Variants in RBFOX1 observed in about 807,000 individuals in gnomAD.
RBFOX1 encodes RNA binding protein fox-1 homolog 1.
In RBFOX1, 8 loss-of-function variants were observed where a neutral mutation model predicts 57.7. The ratio of observed to expected loss-of-function variants is 0.14; its 90% CI spans 0.08 to 0.25. The LOEUF (loss-of-function observed/expected upper bound fraction) is 0.25, where lower values mean the gene tolerates loss of function less well. Among genes scored for constraint, RBFOX1 ranks in the 10% least tolerant of loss-of-function variants. The pLI, the probability that RBFOX1 is intolerant of heterozygous loss-of-function variation, is 1.00. For missense variants in RBFOX1, 611 were observed against 548.5 expected (o/e 1.11, Z -1.14); for synonymous variants, 326 against 222.4 (o/e 1.47, Z -4.15).
intron 2 of RBFOX1, among the ~76,000 whole-genome samples, chr16:6,519,169 C>T (rs896902312): frequency 5.9e-5 from 9 of 152,038 alleles, no homozygotes; most frequent in African/African-American, 1.7e-4. Flanking sequence ...ATGGGGGGAA[C>T]CGTCTGTGTA....
intron 1 of RBFOX1, among the ~76,000 whole-genome samples, chr16:6,241,848 C>T (rs924319437): frequency 6.6e-6 from 1 of 152,156 alleles, no homozygotes; most frequent in African/African-American, 2.4e-5. Context: ...TGCATGTAAA[C>T]ATGGTGAACT....
At chr16:7,578,915 A>G (rs1461976918) in intron 5 of RBFOX1, among the ~76,000 whole-genome samples, 1 of 152,198 alleles carries the variant, frequency 6.6e-6, no homozygotes, top group Non-Finnish European at 1.5e-5. Flanking sequence ...ATGTAACGTC[A>G]TGTTATACAG....
intron 3 of RBFOX1, among the ~76,000 whole-genome samples, chr16:6,737,008 G>A (rs541397718): frequency 5.3e-5 from 8 of 152,278 alleles, no homozygotes; most frequent in African/African-American, 7.2e-5. Context: ...CACGGGAACC[G>A]TCTGAAAAGA....
chr16:7,495,501 T>C (rs926936960), intron 4 of RBFOX1, among the ~76,000 whole-genome samples: 1 of 152,236 alleles, frequency 6.6e-6, no homozygotes, highest in African/African-American at 2.4e-5. Flanking sequence ...GACTTTTTAC[T>C]AATAGGCATT....
chr16:7,643,943 C>T (rs2063286175), intron 11 of RBFOX1, among the ~76,000 whole-genome samples: 1 of 152,140 alleles, frequency 6.6e-6, no homozygotes, highest in African/African-American at 2.4e-5. Context: ...TCAACAGATT[C>T]CCCTGCAAAT....
intron 4 of RBFOX1, among the ~76,000 whole-genome samples, chr16:7,283,808 C>T (rs147348855): frequency 3.9e-5 from 6 of 152,262 alleles, no homozygotes; most frequent in East Asian, 1.9e-4. Flanking sequence ...AATTTACACA[C>T]GGTAAAATGT....
At chr16:5,636,337 A>G (rs570144218) in intron 3 of RBFOX1, among the ~76,000 whole-genome samples, 30 of 152,322 alleles carry the variant, frequency 2.0e-4, no homozygotes, top group Admixed American at 1.6e-3. Context: ...GACAAGAGTG[A>G]AACTCTGTCT....
At chr16:6,647,075 G>A (rs2098540128) in intron 2 of RBFOX1, among the ~76,000 whole-genome samples, 1 of 152,050 alleles carries the variant, frequency 6.6e-6, no homozygotes, top group South Asian at 2.1e-4. Context: ...CAAGATCAAG[G>A]TGCCAGCAGT....
chr16:5,425,558 G>C (rs1225321899), intron 1 of RBFOX1, among the ~76,000 whole-genome samples: 1 of 152,174 alleles, frequency 6.6e-6, no homozygotes, highest in African/African-American at 2.4e-5. Context: ...TGCAAAATCA[G>C]CCATGTGACT....
At chr16:6,986,184 T>TTTTATTTATTTATTTATTTATTTA (rs201088154) in intron 3 of RBFOX1, among the ~76,000 whole-genome samples, 5 of 144,222 alleles carry the variant, frequency 3.5e-5, no homozygotes, top group African/African-American at 1.3e-4. Context: ...CAATTTCTAT[T>TTTTATTTATTTATTTATTTATTTA]TTTATTTATT....
chr16:5,347,666 AC>A (rs1400788548), intron 1 of RBFOX1, among the ~76,000 whole-genome samples: 2 of 98,222 alleles, frequency 2.0e-5, no homozygotes, highest in East Asian at 3.1e-4. Context: ...CCATCCACCC[AC>A]CCTTTCACTC....
At chr16:7,212,800 C>T (rs1039864507) in intron 4 of RBFOX1, among the ~76,000 whole-genome samples, 1 of 152,156 alleles carries the variant, frequency 6.6e-6, no homozygotes, top group Non-Finnish European at 1.5e-5. Flanking sequence ...AACAAACCTG[C>T]ATGTTCTGCA....
At chr16:6,198,323 C>A (rs1348619578) in intron 1 of RBFOX1, among the ~76,000 whole-genome samples, 3 of 152,172 alleles carry the variant, frequency 2.0e-5, no homozygotes, top group Non-Finnish European at 4.4e-5. Context: ...GACTTGATGA[C>A]AAGATACATT....
At chr16:5,854,121 C>T (rs531135330) in intron 3 of RBFOX1, among the ~76,000 whole-genome samples, 12 of 152,250 alleles carry the variant, frequency 7.9e-5, no homozygotes, top group South Asian at 2.1e-4. Flanking sequence ...TATTGGGAAA[C>T]GCTTACCACA....
chr16:7,359,150 C>T (rs975478301), intron 4 of RBFOX1, among the ~76,000 whole-genome samples: 2 of 152,144 alleles, frequency 1.3e-5, no homozygotes, highest in Non-Finnish European at 1.5e-5. Flanking sequence ...CCTAGCCATC[C>T]GTGCAAATGC....
intron 4 of RBFOX1, among the ~76,000 whole-genome samples, chr16:7,495,472 C>G (rs1282097584): frequency 2.6e-5 from 4 of 152,200 alleles, no homozygotes; most frequent in African/African-American, 9.6e-5. Context: ...TGCAGCCTCA[C>G]CAGCATCTAT....
chr16:5,758,372 T>G (rs1254301038), intron 3 of RBFOX1, among the ~76,000 whole-genome samples: 3 of 152,166 alleles, frequency 2.0e-5, no homozygotes, highest in Non-Finnish European at 2.9e-5. Flanking sequence ...GATGCTCTTG[T>G]AACTGCGAGC....
At chr16:6,299,838 A>T (rs2078599703) in intron 1 of RBFOX1, among the ~76,000 whole-genome samples, 1 of 152,168 alleles carries the variant, frequency 6.6e-6, no homozygotes, top group Non-Finnish European at 1.5e-5. Flanking sequence ...TGGTAAAAAA[A>T]TGGCATTAAA....
chr16:5,547,752 G>C (rs936385357), intron 2 of RBFOX1, among the ~76,000 whole-genome samples: 3 of 152,122 alleles, frequency 2.0e-5, no homozygotes, highest in Non-Finnish European at 4.4e-5. Flanking sequence ...GCAGCAATAT[G>C]GATCCAACTG....
Sources: allele counts gnomAD v4.1 joint callset (sites outside exome capture counted in the v4.1 genomes callset), GRCh38; gene constraint gnomAD v4.1.1; transcripts MANE v1.5; gene names NCBI Gene and HGNC (gene_info 2026-07-23, HGNC 2026-07-21).